CTNNA2: variants seen among roughly 807,000 people sequenced by gnomAD.
CTNNA2 encodes catenin alpha-2.
A neutral mutation model predicts 101.0 loss-of-function variants in CTNNA2; 42 were observed. The observed-to-expected ratio is 0.42, with a 90% CI of 0.32 to 0.54. The LOEUF (loss-of-function observed/expected upper bound fraction) is 0.54. CTNNA2 is among the 20% of genes least tolerant of loss of function. The pLI, the probability that CTNNA2 is intolerant of heterozygous loss-of-function variation, is 0.14. For missense variants in CTNNA2, 871 were observed against 1,223.1 expected (o/e 0.71, Z 4.29); for synonymous variants, 450 against 456.4 (o/e 0.99, Z 0.18).
chr2:79,733,903 A>G (rs1687357215), intron 2 of CTNNA2, among the ~76,000 whole-genome samples: 1 of 152,124 alleles, frequency 6.6e-6, no homozygotes, highest in South Asian at 2.1e-4. Flanking sequence ...TGTTGGGATA[A>G]TGGGAATTTG....
At chr2:79,216,641 G>A (rs1049983513) in intron 2 of CTNNA2, among the ~76,000 whole-genome samples, 1 of 150,522 alleles carries the variant, frequency 6.6e-6, no homozygotes, top group East Asian at 2.0e-4. Context: ...CAGAGAAGGG[G>A]TTGGGGGGTT....
chr2:79,438,299 G>A (rs1678739102), intron 4 of CTNNA2, among the ~76,000 whole-genome samples: 1 of 152,088 alleles, frequency 6.6e-6, no homozygotes. Context: ...AACTGTCTCT[G>A]TCTTTCAACC....
chr2:80,169,089 T>C (rs965473802), intron 7 of CTNNA2, among the ~76,000 whole-genome samples: 6 of 152,206 alleles, frequency 3.9e-5, no homozygotes, highest in Non-Finnish European at 7.3e-5. Context: ...CACCACACTA[T>C]GGGTACCAAG....
chr2:79,621,030 A>C (rs960162189), intron 1 of CTNNA2, among the ~76,000 whole-genome samples: 2 of 152,168 alleles, frequency 1.3e-5, no homozygotes, highest in Admixed American at 6.5e-5. Context: ...TAAACTGATG[A>C]ACACAGTACC....
intron 7 of CTNNA2, among the ~76,000 whole-genome samples, chr2:80,077,382 C>T (rs1698828131): frequency 6.6e-6 from 1 of 152,134 alleles, no homozygotes; most frequent in African/African-American, 2.4e-5. Flanking sequence ...GTAACTTCAA[C>T]AAGTATGAAT....
chr2:80,533,453 A>G (rs951804838), intron 9 of CTNNA2, among the ~76,000 whole-genome samples: 6 of 152,190 alleles, frequency 3.9e-5, no homozygotes, highest in Non-Finnish European at 8.8e-5. Flanking sequence ...TTCATCCTGC[A>G]TTGTGGATAT....
intron 1 of CTNNA2, among the ~76,000 whole-genome samples, chr2:79,559,993 T>C (rs1193070075): frequency 6.6e-6 from 1 of 151,988 alleles, no homozygotes; most frequent in East Asian, 1.9e-4. Context: ...ACAGCTATTA[T>C]GTATGATATG....
chr2:80,298,987 T>G (rs1676004282), intron 7 of CTNNA2: 1 of 152,154 alleles, frequency 6.6e-6, no homozygotes, highest in Non-Finnish European at 1.5e-5. Flanking sequence ...AGAGTGTCAT[T>G]TGTCATGTGA....
chr2:79,659,191 C>T (rs1681832751), intron 2 of CTNNA2, among the ~76,000 whole-genome samples: 1 of 146,262 alleles, frequency 6.8e-6, no homozygotes, highest in African/African-American at 2.5e-5. Flanking sequence ...AGCAAAGTAA[C>T]TTCTGAGAGT....
chr2:79,443,360 C>G (rs1216235027), intron 4 of CTNNA2, among the ~76,000 whole-genome samples: 1 of 152,110 alleles, frequency 6.6e-6, no homozygotes, highest in East Asian at 1.9e-4. Flanking sequence ...GGATGAATGT[C>G]CCAGCTCAAG....
intron 7 of CTNNA2, among the ~76,000 whole-genome samples, chr2:80,046,549 G>C (rs1221184774): frequency 6.6e-6 from 1 of 152,022 alleles, no homozygotes; most frequent in African/African-American, 2.4e-5. Flanking sequence ...TTTTTTTACA[G>C]AACTCTATGT....
intron 18 of CTNNA2, among the ~76,000 whole-genome samples, chr2:80,624,812 G>C (rs72926514): frequency 0.051 from 7,802 of 151,924 alleles, 676 homozygotes; most frequent in African/African-American, 0.18. Flanking sequence ...CTGCCATTAA[G>C]TGAACAAACT....
chr2:80,354,700 A>G (rs1673616430), intron 7 of CTNNA2, among the ~76,000 whole-genome samples: 1 of 152,104 alleles, frequency 6.6e-6, no homozygotes, highest in Non-Finnish European at 1.5e-5. Flanking sequence ...TTTCCAACAC[A>G]GCATGTGGGA....
chr2:80,312,600 G>C (rs1677696671), intron 7 of CTNNA2, among the ~76,000 whole-genome samples: 1 of 152,196 alleles, frequency 6.6e-6, no homozygotes, highest in African/African-American at 2.4e-5. Flanking sequence ...CAAAGAATAA[G>C]AGAGCTGAAC....
chr2:80,093,292 A>C (rs1668014730), intron 7 of CTNNA2, among the ~76,000 whole-genome samples: 2 of 152,042 alleles, frequency 1.3e-5, no homozygotes, highest in Admixed American at 1.3e-4. Flanking sequence ...GCTGAGAATG[A>C]TGGTTTCCAG....
chr2:80,133,456 G>A (rs1050195186), intron 7 of CTNNA2, among the ~76,000 whole-genome samples: 17 of 152,094 alleles, frequency 1.1e-4, no homozygotes, highest in African/African-American at 3.6e-4. Context: ...CTCATAATAT[G>A]GAAATAGGTG....
intron 9 of CTNNA2, among the ~76,000 whole-genome samples, chr2:80,527,059 G>A (rs1240878166): frequency 1.3e-5 from 2 of 152,202 alleles, no homozygotes; most frequent in Non-Finnish European, 2.9e-5. Context: ...ACCACCCTGA[G>A]TGCTCAGGAG....
chr2:79,780,286 C>T (rs943688731), intron 3 of CTNNA2, among the ~76,000 whole-genome samples: 5 of 152,152 alleles, frequency 3.3e-5, no homozygotes, highest in African/African-American at 4.8e-5. Flanking sequence ...CTCAGCATCT[C>T]CTGAGGGCTG....
At chr2:80,189,520 C>T (rs536685099) in intron 7 of CTNNA2, among the ~76,000 whole-genome samples, 13 of 152,304 alleles carry the variant, frequency 8.5e-5, no homozygotes, top group African/African-American at 2.9e-4. Flanking sequence ...AAAGTTTGCC[C>T]TCCACAGGAC....
Sources: allele counts gnomAD v4.1 joint callset (sites outside exome capture counted in the v4.1 genomes callset), GRCh38; gene constraint gnomAD v4.1.1; transcripts MANE v1.5; gene names NCBI Gene and HGNC (gene_info 2026-07-23, HGNC 2026-07-21).